DIP2A: variants seen among roughly 807,000 people sequenced by gnomAD.
DIP2A encodes the protein DIP2 acetate--CoA ligase A, also known as disco-interacting protein 2 homolog A.
A neutral mutation model predicts 177.4 loss-of-function variants in DIP2A; 85 were observed. That is an observed-to-expected ratio of 0.48 (90% CI 0.40 to 0.57). The LOEUF (loss-of-function observed/expected upper bound fraction) is 0.57, where lower values mean the gene tolerates loss of function less well. Ranked by LOEUF, DIP2A falls within the 20% of genes least tolerant of loss-of-function variation. The pLI is 0.00. For synonymous variants in DIP2A, 886 were observed against 881.8 expected (o/e 1.00, Z -0.08); for missense variants, 1,791 against 2,100.2 (o/e 0.85, Z 2.88).
chr21:46,540,951 G>T lies in DIP2A; in HGVS notation c.2037-805G>T, dbSNP rs185461137. Among the ~76,000 whole-genome samples the T allele has an allele frequency of 5.5e-3, 820 of 150,094 alleles. 4 individuals are homozygous for T. Among genetic ancestry groups the T allele is most frequent in the Middle Eastern group, 0.021 (6 of 288 alleles). The stretch of plus-strand genomic sequence containing the variant: ...AATCGCTTGAACCCAGGAGGTGGAG[G>T]TTGCAATGAGCCAAGATCATGCCAT... On this transcript the variant is annotated intron_variant, in intron 17 of 37. Coordinates refer to ENST00000417564, the MANE Select transcript of DIP2A (RefSeq NM_015151.4).
At chr21:46,470,968 C>G (rs868448881) in intron 1 of DIP2A, among the ~76,000 whole-genome samples, 1 of 150,990 alleles carries the variant, frequency 6.6e-6, no homozygotes, top group Admixed American at 6.6e-5. Flanking sequence ...TATTTGGTCA[C>G]TCTTCTATGT....
chr21:46,459,730 T>TC (rs5844274), intron 1 of DIP2A, among the ~76,000 whole-genome samples: 11,162 of 147,416 alleles, frequency 0.076, 1,025 homozygotes, highest in African/African-American at 0.23. Flanking sequence ...CAAGGACTCC[T>TC]CCCCCCAGGC....
chr21:46,554,472 C>G lies in DIP2A; in HGVS notation c.3155-103C>G. 1.9e-6 allele frequency: 3 copies of G among 1,546,194 alleles called. No homozygotes were observed. In the South Asian group the frequency reaches 3.6e-5, roughly 19 times the overall value. On this transcript the variant is annotated intron_variant, in intron 26 of 37. Coordinates refer to ENST00000417564, the MANE Select transcript of DIP2A (RefSeq NM_015151.4). ...GTGGAAACCCAGGAGTCACCCATGC[C>G]CCCCCAGCACCACCTCCCCTCCTCT...
chr21:46,475,076 TTCTCCACTTA>T (rs2055724718), intron 1 of DIP2A, among the ~76,000 whole-genome samples: 1 of 1,290 alleles, frequency 7.8e-4, no homozygotes, highest in African/African-American at 8.8e-3. Flanking sequence ...CCAGAGACTC[TTCTCCACTTA>T]ACACTCTTCC....
chr21:46,502,525 G>A (rs1285817914), intron 5 of DIP2A, among the ~76,000 whole-genome samples: 1 of 130,354 alleles, frequency 7.7e-6, no homozygotes, highest in African/African-American at 2.9e-5. Context: ...TTGGCTCACT[G>A]CAACCTCCAC....
intron 8 of DIP2A, among the ~76,000 whole-genome samples, chr21:46,512,227 T>A (rs2058346451): frequency 6.6e-6 from 1 of 152,228 alleles, no homozygotes; most frequent in Admixed American, 6.5e-5. Flanking sequence ...GATGGACATT[T>A]GGGTGGTTTC....
In DIP2A at chr21:46,568,710, A is replaced by G. The variant is rs1337292662; in HGVS notation, c.*1088A>G. The G allele has an allele frequency of 1.3e-5, 2 of 152,222 alleles. No individual in the cohort carries two copies. The highest frequency in any genetic ancestry group is 2.9e-5 in the Non-Finnish European group (2 of 68,028). 9.4% of individuals were successfully genotyped at this position (152,222 alleles called of 1,614,324 possible). ...TTGCTAGTTTTCCTAACACTACAAT[A>G]TTAATTCTTCTCGTGGAAGTGTACT... is the stretch of plus-strand genomic sequence containing the variant. On this transcript the variant is annotated 3_prime_UTR_variant, in exon 38 of 38. Transcript: ENST00000417564.
Position 46,563,435 on chromosome 21 carries a change from C to T in DIP2A, c.4090-423C>T, listed in dbSNP as rs149038483. The stretch of plus-strand genomic sequence containing the variant: ...CCAGTGCTCAGTGGTTGGACTGACT[C>T]GGAGTCACGGGCAGGAAGAACTTCC... On this transcript the variant is annotated intron_variant, in intron 34 of 37. Coordinates refer to ENST00000417564, the MANE Select transcript of DIP2A (RefSeq NM_015151.4). The surrounding 1 kb of genome is among the most constrained non-coding windows in gnomAD (Gnocchi z 4.3). 5.9e-5 allele frequency among the ~76,000 whole-genome samples: 9 copies of T among 152,284 alleles called. No individual in the cohort carries two copies. The East Asian group carries it at 1.2e-3, about 20-fold the overall frequency.
rs756991822 is a variant in DIP2A at position 46,566,602 on chromosome 21, C to T, written c.4382C>T (p.Thr1461Ile). The change falls in exon 37 of 38, where the codon ACT becomes ATT. Residue 1461 changes from threonine (T) to isoleucine (I), a missense_variant. Transcript: ENST00000417564. The stretch of plus-strand genomic sequence containing the variant: ...TATGTGGTTGGGTCTCTGGATGAAA[C>T]TCTGGAGCTCAGAGGCATGCGGTAC... The part of the protein sequence containing the change: ...ALYVVGSLDE[T>I]LELRGMRYHP... 1.2e-6 allele frequency: 2 copies of T among 1,614,176 alleles called. No homozygotes were observed. Among genetic ancestry groups the T allele is most frequent in the South Asian group, 1.1e-5 (1 of 91,078 alleles).
intron 1 of DIP2A, among the ~76,000 whole-genome samples, chr21:46,480,949 A>G (rs1296665209): frequency 6.6e-6 from 1 of 152,164 alleles, no homozygotes; most frequent in Non-Finnish European, 1.5e-5. Flanking sequence ...TCTTTGTCAG[A>G]CACTCCTTTC....
In DIP2A at chr21:46,551,872, G is replaced by A. The variant is rs1255519621; in HGVS notation, c.2998G>A (p.Asp1000Asn). Residue 1000 changes from aspartate to asparagine, a missense_variant, in exon 25 of 38, where the codon GAC becomes AAC. Coordinates refer to ENST00000417564, the MANE Select transcript of DIP2A (RefSeq NM_015151.4). ...VLQWRAHTTPDHPLFLLLNAK... is the reference protein window; with the variant it reads ...VLQWRAHTTPNHPLFLLLNAK... ...GCAGTGGCGTGCCCACACCACTCCTGACCACCCGCTGTTCTTGCTGCTGAA... is the reference window on the plus strand; with the variant it reads ...GCAGTGGCGTGCCCACACCACTCCTAACCACCCGCTGTTCTTGCTGCTGAA... The A allele has an allele frequency of 1.2e-6, 2 of 1,610,280 alleles. No individual in the cohort carries two copies. The highest frequency in any genetic ancestry group is 1.7e-6 in the Non-Finnish European group (2 of 1,178,564).
chr21:46,536,582 G>C (rs1465695473), intron 13 of DIP2A, among the ~76,000 whole-genome samples: 1 of 152,168 alleles, frequency 6.6e-6, no homozygotes, highest in Non-Finnish European at 1.5e-5. Flanking sequence ...ATTCTGAGAA[G>C]AATACCCACT....
At position 46,532,107 on chromosome 21, in the gene DIP2A, A is replaced by G. The variant is rs2059379445; in HGVS notation, c.1195-20A>G. ...TAAAAATTGGAAATTTGGAATATTC[A>G]TTTCTTTGTCCTGTTGTAGGTGGCG... On this transcript the variant is annotated intron_variant, in intron 9 of 37. Transcript: ENST00000417564. 8 of 1,596,822 alleles carry G rather than the reference A, an allele frequency of 5.0e-6. No homozygotes were observed. The East Asian group carries it at 1.8e-4, about 36-fold the overall frequency.
chr21:46,464,851 A>C (rs2148255604), intron 1 of DIP2A, among the ~76,000 whole-genome samples: 1 of 64,750 alleles, frequency 1.5e-5, no homozygotes, highest in Non-Finnish European at 3.4e-5. Flanking sequence ...TTTTCAAGAA[A>C]ACACACAACA....
chr21:46,502,194 G>A (rs926953603), intron 5 of DIP2A, among the ~76,000 whole-genome samples: 12 of 151,960 alleles, frequency 7.9e-5, no homozygotes, highest in Non-Finnish European at 1.5e-4. Flanking sequence ...AGAGTGCAGC[G>A]GTATGGTCCT....
intron 1 of DIP2A, 151 bp from the exon 2 acceptor site, chr21:46,484,606 T>A (rs2056568179): frequency 1.6e-6 from 1 of 617,044 alleles, no homozygotes; most frequent in Non-Finnish European, 2.7e-6. Context: ...CTGAGTGGTA[T>A]TCCATTTTAT....
At chr21:46,546,233 G>T in intron 20 of DIP2A, 1 of 1,275,764 alleles carries the variant, frequency 7.8e-7, no homozygotes, top group African/African-American at 1.5e-5. Flanking sequence ...TGGCAGGTTT[G>T]TGAGTATTCA....
intron 5 of DIP2A, among the ~76,000 whole-genome samples, chr21:46,503,571 T>TCTTCCTTCCTTCCTTCCTTCCTTCCTTC (rs911345370): frequency 2.4e-5 from 2 of 83,672 alleles, no homozygotes; most frequent in African/African-American, 4.7e-5. Context: ...TGAGGGAATT[T>TCTTCCTTCCTTCCTTCCTTCCTTCCTTC]CTTCCTTCCT....
intron 2 of DIP2A, among the ~76,000 whole-genome samples, chr21:46,488,748 C>G (rs556349178): frequency 6.6e-6 from 1 of 152,146 alleles, no homozygotes; most frequent in Non-Finnish European, 1.5e-5. Flanking sequence ...GTGTGAATTA[C>G]TGTAACCTTT....
Sources: gnomAD v4.1 joint callset for allele counts (sites outside exome capture counted in the v4.1 genomes callset) on GRCh38, gnomAD v4.1.1 for gene constraint, Gnocchi (gnomAD v3.1) non-coding constraint, MANE v1.5 for transcripts, NCBI Gene and HGNC (gene_info 2026-07-23, HGNC 2026-07-21) for gene names.